EIF4G3: variants seen among roughly 807,000 people sequenced by gnomAD.
The protein encoded by EIF4G3 is eIF-4-gamma 3.
A neutral mutation model predicts 186.4 loss-of-function variants in EIF4G3; 34 were observed. That is an observed-to-expected ratio of 0.18 (90% CI 0.14 to 0.24). The LOEUF (loss-of-function observed/expected upper bound fraction) is 0.24. EIF4G3 is among the 10% of genes least tolerant of loss of function. The pLI, the probability that EIF4G3 is intolerant of heterozygous loss-of-function variation, is 1.00. For missense variants in EIF4G3, 1,536 were observed against 1,948.5 expected, an observed-to-expected ratio of 0.79 and a Z score of 3.99; for synonymous variants, 673 against 679.5, an observed-to-expected ratio of 0.99 and a Z score of 0.15.
chr1:20,913,693 T>C (rs1237245968), intron 14 of EIF4G3, among the ~76,000 whole-genome samples: 1 of 152,158 alleles, frequency 6.6e-6, no homozygotes, highest in Non-Finnish European at 1.5e-5. Context: ...TTTCTTGTTA[T>C]TTGTTACATT....
intron 14 of EIF4G3, among the ~76,000 whole-genome samples, chr1:20,921,641 T>C (rs2094500521): frequency 6.6e-6 from 1 of 152,238 alleles, no homozygotes; most frequent in South Asian, 2.1e-4. Context: ...AAGAATACTG[T>C]TGAATTCAAT....
intron 2 of EIF4G3, among the ~76,000 whole-genome samples, chr1:21,133,232 CT>C (rs938159102): frequency 6.7e-5 from 10 of 149,070 alleles, no homozygotes; most frequent in South Asian, 2.1e-4. Context: ...AGCCTTCTTT[CT>C]TTTTTTTTTG....
At chr1:20,971,718 C>T (rs1327520074) in intron 11 of EIF4G3, among the ~76,000 whole-genome samples, 1 of 152,200 alleles carries the variant, frequency 6.6e-6, no homozygotes, top group Non-Finnish European at 1.5e-5. Flanking sequence ...ACTGCAACCT[C>T]CCCCTCCCAG....
At chr1:21,011,289 T>A (rs1427533426) in intron 4 of EIF4G3, among the ~76,000 whole-genome samples, 2 of 152,092 alleles carry the variant, frequency 1.3e-5, no homozygotes, top group Non-Finnish European at 2.9e-5. Context: ...ATTTTTCTTA[T>A]TCTACAGGTA....
At chr1:21,128,472 G>A (rs1049415174) in intron 2 of EIF4G3, among the ~76,000 whole-genome samples, 10 of 151,198 alleles carry the variant, frequency 6.6e-5, no homozygotes, top group Non-Finnish European at 1.3e-4. Context: ...ACCGTGCCAC[G>A]CACTCCAGCC....
intron 4 of EIF4G3, among the ~76,000 whole-genome samples, chr1:21,050,008 T>C (rs1204898735): frequency 6.6e-6 from 1 of 152,218 alleles, no homozygotes; most frequent in Non-Finnish European, 1.5e-5. Flanking sequence ...TCCTGATCTC[T>C]CCTATTATTC....
At chr1:20,878,705 A>G (rs2154554009) in intron 20 of EIF4G3, among the ~76,000 whole-genome samples, 1 of 152,334 alleles carries the variant, frequency 6.6e-6, no homozygotes, top group African/African-American at 2.4e-5. Flanking sequence ...ACAGGAAGAG[A>G]AAACAGATGA....
rs373962114 is a variant in EIF4G3 at position 20,978,924 on chromosome 1, C to T, written c.493+1410G>A. Among the ~76,000 whole-genome samples, 67 of 151,786 alleles carry T rather than the reference C, an allele frequency of 4.4e-4. 3 individuals are homozygous for T. The South Asian group carries it at 0.014, about 31-fold the overall frequency. On this transcript the variant is annotated intron_variant, in intron 10 of 36. Transcript: ENST00000602326. The stretch of plus-strand genomic sequence containing the variant: ...CACCTCAAAACTGAAAAAAAAAAAC[C>T]TTCTTGGGCTACTTGAATCAAATCA...
chr1:21,111,452 A>G, intron 2 of EIF4G3: 1 of 456,872 alleles, frequency 2.2e-6, no homozygotes, highest in Non-Finnish European at 4.5e-6. Flanking sequence ...TCATTATTAT[A>G]CATAGCTCTT....
At chr1:20,851,521 A>C (rs776743264) in intron 27 of EIF4G3, 43 bp from the exon 28 acceptor site, 11 of 1,577,482 alleles carry the variant, frequency 7.0e-6, no homozygotes, top group African/African-American at 2.7e-5. Flanking sequence ...AGACAAGCCC[A>C]TGTCCCCCAC....
rs577273904 is a variant in EIF4G3, at chr1:20,877,106, AT to A, written c.2622+2216del. On this transcript the variant is annotated intron_variant, in intron 20 of 36. Transcript: ENST00000602326. ...TTATTGCCAGATCATTTCAAAGGCC[AT>A]TTTCATCAATATCACTCCTCCATTA... 2.3e-3 allele frequency among the ~76,000 whole-genome samples: 356 copies of A among 152,294 alleles called. 1 individual carries two copies. The highest frequency in any genetic ancestry group is 3.6e-3 in the Non-Finnish European group (246 of 68,024).
intron 2 of EIF4G3, among the ~76,000 whole-genome samples, chr1:21,142,066 GGAGA>G (rs1421058867): frequency 6.6e-6 from 1 of 152,126 alleles, no homozygotes; most frequent in Non-Finnish European, 1.5e-5. Context: ...CCAAAAAAAT[GGAGA>G]TAGATATGTA....
At chr1:21,064,299 G>A (rs1314469053) in intron 3 of EIF4G3, among the ~76,000 whole-genome samples, 1 of 152,128 alleles carries the variant, frequency 6.6e-6, no homozygotes, top group African/African-American at 2.4e-5. Context: ...CTTATCATCT[G>A]TTTGCGCCCT....
rs143641129 is a variant in EIF4G3 at position 20,919,374 on chromosome 1, A to G, written c.1664-14403T>C. Among the ~76,000 whole-genome samples the G allele has an allele frequency of 4.6e-5, 7 of 152,190 alleles. No individual in the cohort carries two copies. The East Asian group carries it at 1.2e-3, about 25-fold the overall frequency. On this transcript the variant is annotated intron_variant, in intron 14 of 36. Coordinates refer to ENST00000602326, the MANE Select transcript of EIF4G3 (RefSeq NM_001391906.1). ...CAGGTGCATGCCACCACACCTGGCT[A>G]ATTTTTGTATTGTAGAGACAGGATT...
chr1:20,838,904 T>C (rs1490104728), intron 30 of EIF4G3, among the ~76,000 whole-genome samples: 1 of 152,184 alleles, frequency 6.6e-6, no homozygotes, highest in Non-Finnish European at 1.5e-5. Flanking sequence ...CTTAAACTCC[T>C]GGGCTCAAGC....
intron 7 of EIF4G3, among the ~76,000 whole-genome samples, chr1:20,993,955 G>C (rs1351507944): frequency 6.6e-6 from 1 of 152,094 alleles, no homozygotes; most frequent in Non-Finnish European, 1.5e-5. Context: ...CAGGGTTTAG[G>C]TGCTACCTGA....
At chr1:20,873,489 G>T (rs560409674) in intron 20 of EIF4G3, among the ~76,000 whole-genome samples, 1 of 152,098 alleles carries the variant, frequency 6.6e-6, no homozygotes, top group Non-Finnish European at 1.5e-5. Context: ...GTTGTTTCAC[G>T]TTTGTAAATA....
intron 4 of EIF4G3, among the ~76,000 whole-genome samples, chr1:21,023,360 A>G (rs2091284376): frequency 7.1e-6 from 1 of 141,434 alleles, no homozygotes; most frequent in Non-Finnish European, 1.5e-5. Flanking sequence ...GCTCACTGCA[A>G]CCTCCCTGCC....
chr1:21,017,627 C>CAAAAAAA (rs71014146), intron 4 of EIF4G3, among the ~76,000 whole-genome samples: 2 of 49,204 alleles, frequency 4.1e-5, no homozygotes, highest in Non-Finnish European at 3.5e-5. Context: ...GACTCCGTCT[C>CAAAAAAA]AAAAAAAAAA....
Sources: allele counts gnomAD v4.1 joint callset (sites outside exome capture counted in the v4.1 genomes callset), GRCh38; gene constraint gnomAD v4.1.1; transcripts MANE v1.5; gene names NCBI Gene and HGNC (gene_info 2026-07-23, HGNC 2026-07-21).